KIAA1671: variants seen among roughly 807,000 people sequenced by gnomAD.
The protein encoded by KIAA1671 is KIAA1671, also known as uncharacterized protein KIAA1671.
KIAA1671 carries 52 observed loss-of-function variants against 131.2 expected under a neutral mutation model. That is an observed-to-expected ratio of 0.40 (90% confidence interval 0.32 to 0.50). KIAA1671 has a LOEUF of 0.50. Among genes scored for constraint, KIAA1671 ranks in the 20% least tolerant of loss-of-function variants. The probability of loss-of-function intolerance (pLI) is 0.73; values close to 1 mark genes in which losing one functional copy is unlikely to be tolerated. For synonymous variants in KIAA1671, 1,003 were observed against 961.6 expected (o/e 1.04, Z -0.80); for missense variants, 2,360 against 2,364.2 (o/e 1.00, Z 0.04).
intron 1 of KIAA1671, among the ~76,000 whole-genome samples, chr22:25,007,072 T>A (rs1209169280): frequency 1.3e-5 from 2 of 152,178 alleles, no homozygotes; most frequent in Non-Finnish European, 2.9e-5. Flanking sequence ...GGTCACCATC[T>A]GTGGCCATGC....
intron 1 of KIAA1671, among the ~76,000 whole-genome samples, chr22:24,984,363 GGCCTCA>G (rs1251758077): frequency 6.6e-6 from 1 of 152,140 alleles, no homozygotes; most frequent in African/African-American, 2.4e-5. Context: ...GAAAGCTCAA[GGCCTCA>G]GCTAACATCT....
chr22:25,041,421 A>G lies in KIAA1671; in HGVS notation c.4291A>G (p.Arg1431Gly). 3 of 1,551,814 alleles carry G rather than the reference A, an allele frequency of 1.9e-6. No homozygotes were observed. The highest frequency in any genetic ancestry group is 1.2e-5 in the South Asian group (1 of 84,062). The change falls in exon 5 of 13, where the codon AGG becomes GGG. Residue 1431 changes from arginine (R) to glycine (G), a missense_variant. Arg to Gly is a moderately radical substitution (Grantham distance 125). Around this residue, in one of 3 missense-constraint regions of KIAA1671, gnomAD observed 1,161 missense variants for 1,204.7 expected, o/e 0.96. Coordinates refer to ENST00000358431, the MANE Select transcript of KIAA1671 (RefSeq NM_001145206.2). Reference protein sequence around the residue: ...GLSIMHEARERRREQPKGRPS... With the variant: ...GLSIMHEAREGRREQPKGRPS... ...GTCCATCATGCATGAAGCCAGAGAG[A>G]GGAGGCGAGAGCAGCCCAAAGGGAG... is the stretch of plus-strand genomic sequence containing the variant.
At chr22:25,131,897 G>A (rs956944842) in intron 6 of KIAA1671, among the ~76,000 whole-genome samples, 1 of 152,216 alleles carries the variant, frequency 6.6e-6, no homozygotes, top group South Asian at 2.1e-4. Context: ...GGGCATAACC[G>A]CATAGAGTTG....
At chr22:25,016,840 A>G (rs1204065259) in intron 1 of KIAA1671, among the ~76,000 whole-genome samples, 2 of 152,174 alleles carry the variant, frequency 1.3e-5, no homozygotes, top group Non-Finnish European at 2.9e-5. Flanking sequence ...TCACCCAGGA[A>G]GGAATTCAAG....
intron 6 of KIAA1671, among the ~76,000 whole-genome samples, chr22:25,080,515 C>T (rs551354868): frequency 3.3e-5 from 5 of 152,184 alleles, no homozygotes; most frequent in Non-Finnish European, 7.3e-5. Context: ...CAGCACCTTC[C>T]TCACTGTGAC....
intron 6 of KIAA1671, among the ~76,000 whole-genome samples, chr22:25,155,028 T>G (rs1226666007): frequency 3.3e-5 from 5 of 152,124 alleles, no homozygotes; most frequent in Non-Finnish European, 4.4e-5. Context: ...TTCTGCGCCC[T>G]CTCCCCCACT....
At chr22:25,068,156 G>A (rs1928584995) in intron 6 of KIAA1671, among the ~76,000 whole-genome samples, 1 of 151,666 alleles carries the variant, frequency 6.6e-6, no homozygotes, top group Admixed American at 6.6e-5. Flanking sequence ...TTAGGGAGCA[G>A]GGCCGGCCTT....
chr22:25,184,733 G>T (rs1371515708), intron 10 of KIAA1671, among the ~76,000 whole-genome samples: 2 of 152,104 alleles, frequency 1.3e-5, no homozygotes, highest in African/African-American at 4.8e-5. Context: ...TGGCTTTTCA[G>T]CAAAAGAGAA....
At chr22:25,067,945 C>T (rs953292438) in intron 6 of KIAA1671, among the ~76,000 whole-genome samples, 8 of 152,290 alleles carry the variant, frequency 5.3e-5, no homozygotes, top group African/African-American at 1.9e-4. Context: ...TCAGCCAGGA[C>T]ACGCAGCGCC....
In KIAA1671 at chr22:25,197,404, T is replaced by C. The variant is rs1934861435; in HGVS notation, c.*5003T>C. On this transcript the variant is annotated 3_prime_UTR_variant, in exon 13 of 13. Transcript: ENST00000358431. ...ATGTACAAAGATGTTGCATTCAGAC[T>C]ATGAAAATAGCAAATAAAGCTTTGG... is the stretch of plus-strand genomic sequence containing the variant. 6.6e-6 allele frequency: 1 copy of C among 152,234 alleles called. No homozygotes were observed. The highest frequency in any genetic ancestry group is 2.1e-4 in the South Asian group (1 of 4,832). 9.4% of individuals were successfully genotyped at this position (152,234 alleles called of 1,614,324 possible).
intron 6 of KIAA1671, among the ~76,000 whole-genome samples, chr22:25,138,872 A>T (rs540061292): frequency 1.3e-5 from 2 of 152,304 alleles, no homozygotes; most frequent in South Asian, 4.2e-4. Context: ...AGTGTCTGCC[A>T]TGTGCCAGGT....
intron 6 of KIAA1671, among the ~76,000 whole-genome samples, chr22:25,119,351 C>T (rs976805469): frequency 1.3e-5 from 2 of 152,124 alleles, no homozygotes; most frequent in African/African-American, 4.8e-5. Context: ...TCAGAGTTGA[C>T]GCCAGGATTC....
intron 1 of KIAA1671, among the ~76,000 whole-genome samples, chr22:24,958,840 G>A (rs1374873928): frequency 6.6e-6 from 1 of 151,658 alleles, no homozygotes; most frequent in East Asian, 1.9e-4. Flanking sequence ...AAAATAGCCA[G>A]GTATGGTGGC....
intron 6 of KIAA1671, among the ~76,000 whole-genome samples, chr22:25,165,337 G>A (rs1933610010): frequency 6.6e-6 from 1 of 152,140 alleles, no homozygotes; most frequent in African/African-American, 2.4e-5. Flanking sequence ...CTCGTCCAAG[G>A]TCACATAGCT....
intron 6 of KIAA1671, among the ~76,000 whole-genome samples, chr22:25,134,887 T>C (rs1434696975): frequency 2.0e-5 from 3 of 152,194 alleles, no homozygotes; most frequent in Non-Finnish European, 4.4e-5. Flanking sequence ...GCAGACCTGA[T>C]GTAAAGATTA....
intron 6 of KIAA1671, among the ~76,000 whole-genome samples, chr22:25,168,958 C>A (rs1378606609): frequency 6.6e-6 from 1 of 152,070 alleles, no homozygotes; most frequent in Non-Finnish European, 1.5e-5. Flanking sequence ...CAATAGGGAA[C>A]CCCGGAAGGT....
chr22:25,186,543 C>T (rs1227775747), intron 11 of KIAA1671: 1 of 152,244 alleles, frequency 6.6e-6, no homozygotes, highest in African/African-American at 2.4e-5. Context: ...GAGATGGAGG[C>T]CATGATCGTG....
chr22:25,125,311 G>C (rs1932127994), intron 6 of KIAA1671, among the ~76,000 whole-genome samples: 1 of 152,222 alleles, frequency 6.6e-6, no homozygotes, highest in Non-Finnish European at 1.5e-5. Flanking sequence ...GAGCTAAGCA[G>C]ATTGTCTTAA....
rs1932482416 is a variant in KIAA1671 at position 25,132,413 on chromosome 22, C to T, written c.4531-38407C>T. ...GTCAGGGGGCATAGCAGAAAGAACA[C>T]AGGCTGTGCAGTAAGAAAAACCCCA... On this transcript the variant is annotated intron_variant, in intron 6 of 12. Coordinates refer to ENST00000358431, the MANE Select transcript of KIAA1671 (RefSeq NM_001145206.2). Among the ~76,000 whole-genome samples, 3 of 152,170 alleles carry T rather than the reference C, an allele frequency of 2.0e-5. No individual in the cohort carries two copies. The South Asian group carries it at 6.2e-4, about 32-fold the overall frequency.
Sources: allele counts gnomAD v4.1 joint callset (sites outside exome capture counted in the v4.1 genomes callset), GRCh38; gene constraint gnomAD v4.1.1; regional missense constraint gnomAD v4.1.1; transcripts MANE v1.5; gene names NCBI Gene and HGNC (gene_info 2026-07-23, HGNC 2026-07-21).